FOXN3: variants seen among roughly 807,000 people sequenced by gnomAD.
FOXN3 encodes forkhead box N3.
In FOXN3, 7 loss-of-function variants were observed where a neutral mutation model predicts 38.4. The ratio of observed to expected loss-of-function variants is 0.18; its 90% CI spans 0.10 to 0.34. The LOEUF is 0.34. FOXN3 is among the 10% of genes least tolerant of loss of function. The pLI, the probability that FOXN3 is intolerant of heterozygous loss-of-function variation, is 1.00. For synonymous variants in FOXN3, 230 were observed against 242.2 expected, an observed-to-expected ratio of 0.95 and a Z score of 0.47; for missense variants, 456 against 613.4, an observed-to-expected ratio of 0.74 and a Z score of 2.71.
chr14:89,250,302 G>A (rs1885416651), intron 4 of FOXN3, among the ~76,000 whole-genome samples: 1 of 152,132 alleles, frequency 6.6e-6, no homozygotes, highest in African/African-American at 2.4e-5. Context: ...TAGAGATGGG[G>A]GTCTTCAGAT....
intron 1 of FOXN3, among the ~76,000 whole-genome samples, chr14:89,523,779 T>G (rs907247288): frequency 2.6e-5 from 4 of 152,056 alleles, no homozygotes; most frequent in African/African-American, 9.7e-5. Context: ...ATGTTTTTTT[T>G]TGAGACAGAG....
intron 3 of FOXN3, among the ~76,000 whole-genome samples, chr14:89,338,821 T>C (rs547428427): frequency 6.6e-6 from 1 of 151,898 alleles, no homozygotes; most frequent in African/African-American, 2.4e-5. Context: ...AGAAAAAAAA[T>C]ATTTGGTATG....
At chr14:89,479,279 G>T (rs758680670) in intron 1 of FOXN3, among the ~76,000 whole-genome samples, 2 of 152,208 alleles carry the variant, frequency 1.3e-5, no homozygotes, top group Non-Finnish European at 1.5e-5. Flanking sequence ...TTTTCATTCA[G>T]TTTTAAAGCC....
chr14:89,187,476 A>G (rs1887837583), intron 4 of FOXN3, among the ~76,000 whole-genome samples: 1 of 152,172 alleles, frequency 6.6e-6, no homozygotes, highest in Non-Finnish European at 1.5e-5. Context: ...ACACACCATC[A>G]CTGTGGCTGG....
chr14:89,316,799 A>G (rs1887732362), intron 3 of FOXN3, among the ~76,000 whole-genome samples: 1 of 151,704 alleles, frequency 6.6e-6, no homozygotes, highest in Non-Finnish European at 1.5e-5. Flanking sequence ...CCGAGTAGCT[A>G]GATTACAGGG....
intron 1 of FOXN3, among the ~76,000 whole-genome samples, chr14:89,453,437 G>C (rs1434858509): frequency 1.3e-5 from 2 of 151,114 alleles, no homozygotes; most frequent in Non-Finnish European, 2.9e-5. Context: ...GCGGGCGCCT[G>C]TAGTCCCAGC....
chr14:89,228,825 C>G (rs953678251), intron 4 of FOXN3, among the ~76,000 whole-genome samples: 3 of 152,106 alleles, frequency 2.0e-5, no homozygotes, highest in Admixed American at 6.5e-5. Context: ...AGAAAGAAAA[C>G]AAACAAATAA....
At chr14:89,183,643 G>A (rs1887730143) in intron 4 of FOXN3, among the ~76,000 whole-genome samples, 1 of 151,952 alleles carries the variant, frequency 6.6e-6, no homozygotes, top group African/African-American at 2.4e-5. Flanking sequence ...GCAGAAAAAT[G>A]GCACATACAA....
At chr14:89,528,382 T>TTTTTTTTTTTTTTG in intron 1 of FOXN3, among the ~76,000 whole-genome samples, 1 of 64,444 alleles carries the variant, frequency 1.6e-5, no homozygotes, top group African/African-American at 6.2e-5. Flanking sequence ...GAATCTTTTT[T>TTTTTTTTTTTTTTG]TTTTTTTTTT....
upstream of FOXN3, among the ~76,000 whole-genome samples, chr14:89,421,121 T>C (rs1245964547): frequency 9.3e-5 from 14 of 150,784 alleles, no homozygotes; most frequent in Admixed American, 9.3e-4. Context: ...GCTTCTTTCA[T>C]ACTTGTCCAT....
intron 1 of FOXN3, among the ~76,000 whole-genome samples, chr14:89,597,583 T>C (rs972962034): frequency 2.0e-5 from 3 of 152,178 alleles, no homozygotes; most frequent in African/African-American, 7.2e-5. Flanking sequence ...ATATCTGTAT[T>C]TCTCCTTGTA....
chr14:89,426,050 C>T (rs1892019322), intron 1 of FOXN3, among the ~76,000 whole-genome samples: 1 of 151,658 alleles, frequency 6.6e-6, no homozygotes. Context: ...GCAAAATGAA[C>T]AAAAATGCAA....
At chr14:89,498,297 A>G (rs1329902122) in intron 1 of FOXN3, among the ~76,000 whole-genome samples, 5 of 135,800 alleles carry the variant, frequency 3.7e-5, no homozygotes, top group Non-Finnish European at 7.5e-5. Context: ...ATCTCGGCTC[A>G]CTGCAACCTC....
chr14:89,603,212 G>A (rs754950928), intron 1 of FOXN3, among the ~76,000 whole-genome samples: 2 of 152,104 alleles, frequency 1.3e-5, no homozygotes, highest in South Asian at 4.1e-4. Context: ...TTGCTATTAT[G>A]ATCCAAATAA....
At chr14:89,374,263 CAAAAAAAAAAAAA>C (rs35623770) in intron 2 of FOXN3, among the ~76,000 whole-genome samples, 5 of 48,178 alleles carry the variant, frequency 1.0e-4, no homozygotes, top group East Asian at 7.4e-4. Context: ...GACCTTGTCT[CAAAAAAAAAAAAA>C]AAAAAAAAAA....
chr14:89,543,476 C>T (rs1363669162), intron 1 of FOXN3, among the ~76,000 whole-genome samples: 3 of 152,118 alleles, frequency 2.0e-5, no homozygotes, highest in Non-Finnish European at 4.4e-5. Context: ...AAAAAAACCC[C>T]GACCATTCTT....
At chr14:89,230,580 G>C (rs889778483) in intron 4 of FOXN3, 7 of 231,436 alleles carry the variant, frequency 3.0e-5, no homozygotes, top group Admixed American at 2.4e-4. Context: ...CTAAGTGCTA[G>C]CTACTATTAT....
In FOXN3 at chr14:89,511,199, TTTC is replaced by T. The variant is rs1177428920; in HGVS notation, c.-14-98712_-14-98710del. On this transcript the variant is annotated intron_variant, in intron 1 of 6. Transcript: ENST00000345097. ...TTTCTTTCTTTCTTTCTTTTCTTTC[TTTC>T]TTTTCTTTCTTTCTTTCTTTCTTTC... 4.4e-3 allele frequency among the ~76,000 whole-genome samples: 79 copies of T among 18,084 alleles called. 12 individuals are homozygous for T. The highest frequency in any genetic ancestry group is 0.17 in the Middle Eastern group (2 of 12). The allele number at this position is 18,084 out of a possible 152,430, so 11.9% of individuals were successfully genotyped here. A position where few individuals can be genotyped will look rare whatever the true frequency, so the allele number is the denominator to read the frequency against.
At chr14:89,535,781 A>G (rs1894671940) in intron 1 of FOXN3, among the ~76,000 whole-genome samples, 1 of 152,138 alleles carries the variant, frequency 6.6e-6, no homozygotes, top group Non-Finnish European at 1.5e-5. Flanking sequence ...TATATTCTCT[A>G]CAATTTCACT....
Sources: gnomAD v4.1 joint callset for allele counts (sites outside exome capture counted in the v4.1 genomes callset) on GRCh38, gnomAD v4.1.1 for gene constraint, MANE v1.5 for transcripts, NCBI Gene and HGNC (gene_info 2026-07-23, HGNC 2026-07-21) for gene names.